RIMS1: variants seen among roughly 807,000 people sequenced by gnomAD.
RIMS1 encodes the protein regulating synaptic membrane exocytosis protein 1.
A neutral mutation model predicts 214.1 loss-of-function variants in RIMS1; 83 were observed. The ratio of observed to expected loss-of-function variants is 0.39; its 90% CI spans 0.32 to 0.47. The LOEUF (loss-of-function observed/expected upper bound fraction) is 0.47, where lower values mean the gene tolerates loss of function less well. RIMS1 is among the 20% of genes least tolerant of loss of function. RIMS1 has a pLI of 0.99. For synonymous variants in RIMS1, 793 were observed against 786.8 expected, an observed-to-expected ratio of 1.01 and a Z score of -0.13; for missense variants, 2,050 against 2,161.8, an observed-to-expected ratio of 0.95 and a Z score of 1.03.
chr6:72,322,438 A>G (rs1167997254), intron 28 of RIMS1, among the ~76,000 whole-genome samples: 1 of 152,158 alleles, frequency 6.6e-6, no homozygotes, highest in Non-Finnish European at 1.5e-5. Flanking sequence ...GAACATTTTG[A>G]TAACAACATA....
At chr6:72,120,690 C>T (rs2038089521) in intron 4 of RIMS1, among the ~76,000 whole-genome samples, 1 of 151,780 alleles carries the variant, frequency 6.6e-6, no homozygotes. Context: ...GCTTTTGTTG[C>T]CATTGCTTTT....
chr6:71,940,225 T>C lies in RIMS1; in HGVS notation c.165-28758T>C, dbSNP rs930845755. Among the ~76,000 whole-genome samples, 5 of 152,312 alleles carry C rather than the reference T, an allele frequency of 3.3e-5. No individual in the cohort carries two copies. The East Asian group carries it at 5.8e-4, about 18-fold the overall frequency. ...ACATCCATATTTCTGTTCTTGCTCC[T>C]TTCACAAGCATTACTATAGTAGCAT... On this transcript the variant is annotated intron_variant, in intron 1 of 33. Transcript: ENST00000521978.
At chr6:71,974,311 G>C (rs146958011) in intron 2 of RIMS1, among the ~76,000 whole-genome samples, 35 of 152,114 alleles carry the variant, frequency 2.3e-4, no homozygotes, top group African/African-American at 8.4e-4. Context: ...GTGGGCATGC[G>C]TATAGGTGTA....
chr6:72,018,166 T>C (rs1248394332), intron 2 of RIMS1, among the ~76,000 whole-genome samples: 1 of 152,178 alleles, frequency 6.6e-6, no homozygotes, highest in Non-Finnish European at 1.5e-5. Context: ...GTAATATAGA[T>C]GAGAGGCAAT....
At chr6:72,237,979 T>C in intron 9 of RIMS1, 57 bp downstream of exon 9, 1 of 1,247,894 alleles carries the variant, frequency 8.0e-7, no homozygotes, top group Non-Finnish European at 1.1e-6. Context: ...GAACATGAAT[T>C]GGTGGTTTTC....
intron 5 of RIMS1, among the ~76,000 whole-genome samples, chr6:72,181,996 G>T (rs1383690991): frequency 6.6e-6 from 1 of 152,122 alleles, no homozygotes; most frequent in East Asian, 1.9e-4. Flanking sequence ...AAAGTAAATT[G>T]ATTCAATGTA....
Position 72,155,814 on chromosome 6 carries a change from A to C in RIMS1, c.472-23761A>C, listed in dbSNP as rs1207378024. On this transcript the variant is annotated intron_variant, in intron 4 of 33. Coordinates refer to ENST00000521978, the MANE Select transcript of RIMS1 (RefSeq NM_014989.7). ...GTGGGAATTATGGGAGTTACAACTC[A>C]AGATGAGATGTGGGTGGGGACACAG... Among the ~76,000 whole-genome samples the C allele has an allele frequency of 2.1e-5, 3 of 140,748 alleles. 1 individual carries two copies. Among genetic ancestry groups the C allele is most frequent in the Non-Finnish European group, 4.8e-5 (3 of 61,890 alleles). 92.3% of individuals were successfully genotyped at this position (140,748 alleles called of 152,430 possible).
intron 2 of RIMS1, among the ~76,000 whole-genome samples, chr6:71,970,177 G>A (rs1260404987): frequency 6.6e-6 from 1 of 152,114 alleles, no homozygotes; most frequent in African/African-American, 2.4e-5. Flanking sequence ...AATAAAAATA[G>A]TTTTGAATTA....
At chr6:72,247,853 AT>A (rs948323730) in intron 11 of RIMS1, among the ~76,000 whole-genome samples, 161 bp from the exon 12 acceptor site, 16 of 152,156 alleles carry the variant, frequency 1.1e-4, no homozygotes, top group Non-Finnish European at 2.1e-4. Context: ...CATTCTTAAT[AT>A]TTTTTAAATA....
At chr6:72,301,598 A>T (rs767646269) in intron 26 of RIMS1, among the ~76,000 whole-genome samples, 15 of 151,520 alleles carry the variant, frequency 9.9e-5, no homozygotes, top group Non-Finnish European at 1.9e-4. Flanking sequence ...GATTCATGAG[A>T]TTTTTTTAAG....
intron 2 of RIMS1, among the ~76,000 whole-genome samples, chr6:72,024,952 G>A (rs1023507009): frequency 7.8e-6 from 1 of 128,524 alleles, no homozygotes; most frequent in African/African-American, 2.9e-5. Context: ...TGCCCAGCCT[G>A]GAGTGCAATG....
At chr6:72,149,613 C>T (rs895803141) in intron 4 of RIMS1, among the ~76,000 whole-genome samples, 1 of 152,288 alleles carries the variant, frequency 6.6e-6, no homozygotes, top group East Asian at 1.9e-4. Flanking sequence ...ATTGGAGGTA[C>T]AGTGCTTATC....
intron 1 of RIMS1, among the ~76,000 whole-genome samples, chr6:71,903,339 C>T (rs1170431400): frequency 6.6e-6 from 1 of 152,106 alleles, no homozygotes; most frequent in Non-Finnish European, 1.5e-5. Context: ...TTAAAAGTGT[C>T]TGTTCATGTC....
intron 23 of RIMS1, among the ~76,000 whole-genome samples, chr6:72,276,341 G>A (rs2154197743): frequency 6.6e-6 from 1 of 152,276 alleles, no homozygotes; most frequent in East Asian, 1.9e-4. Context: ...TAAACATGAT[G>A]ATCTTTGTAA....
At chr6:71,961,710 C>T (rs1792999751) in intron 1 of RIMS1, among the ~76,000 whole-genome samples, 1 of 150,772 alleles carries the variant, frequency 6.6e-6, no homozygotes, top group African/African-American at 2.4e-5. Context: ...CTAGAAATTC[C>T]TTACTTCTCA....
chr6:71,990,454 T>A (rs1427227606), intron 2 of RIMS1, among the ~76,000 whole-genome samples: 1 of 152,168 alleles, frequency 6.6e-6, no homozygotes, highest in Non-Finnish European at 1.5e-5. Context: ...ATTAAATAAA[T>A]ACATTTAATG....
At chr6:72,326,673 T>C (rs187248037) in intron 28 of RIMS1, among the ~76,000 whole-genome samples, 1 of 151,820 alleles carries the variant, frequency 6.6e-6, no homozygotes, top group East Asian at 1.9e-4. Context: ...ATACCCCCAT[T>C]CCAGAATTAC....
intron 29 of RIMS1, among the ~76,000 whole-genome samples, chr6:72,389,609 A>T (rs759551951): frequency 6.6e-6 from 1 of 152,192 alleles, no homozygotes; most frequent in East Asian, 1.9e-4. Context: ...ATGTGTTTAT[A>T]TAGTAGTTAT....
chr6:72,061,400 C>T (rs760280208), intron 2 of RIMS1, among the ~76,000 whole-genome samples: 3 of 152,234 alleles, frequency 2.0e-5, no homozygotes, highest in Admixed American at 6.5e-5. Flanking sequence ...TTAGGCTGGT[C>T]ATTGCTCAAT....
Sources: gnomAD v4.1 joint callset for allele counts (sites outside exome capture counted in the v4.1 genomes callset) on GRCh38, gnomAD v4.1.1 for gene constraint, MANE v1.5 for transcripts, NCBI Gene and HGNC (gene_info 2026-07-23, HGNC 2026-07-21) for gene names.